The following MRPL48 variants were observed in gnomAD, a reference collection of about 807,000 sequenced individuals.
MRPL48 encodes mitochondrial ribosomal protein L48.
Under a neutral mutation model 32.9 loss-of-function variants are expected in MRPL48, and 16 were observed. The ratio of observed to expected loss-of-function variants is 0.49; its 90% confidence interval spans 0.33 to 0.74. The LOEUF is 0.74. Among genes scored for constraint, MRPL48 ranks in the 30% least tolerant of loss-of-function variants. MRPL48 has a pLI of 0.02. For synonymous variants in MRPL48, 94 were observed against 89.2 expected (o/e 1.05, Z -0.31); for missense variants, 206 against 245.3 (o/e 0.84, Z 1.07).
intron 1 of MRPL48, among the ~76,000 whole-genome samples, chr11:73,800,277 G>A (rs1205632466): frequency 2.6e-5 from 4 of 152,078 alleles, no homozygotes; most frequent in Admixed American, 6.6e-5. Flanking sequence ...AATAGTATGC[G>A]TAAAGTGCCT....
intron 2 of MRPL48, among the ~76,000 whole-genome samples, chr11:73,808,070 C>T (rs1414634791): frequency 6.6e-6 from 1 of 152,154 alleles, no homozygotes; most frequent in African/African-American, 2.4e-5. Flanking sequence ...GGCTCACATT[C>T]GTTTACCAGC....
intron 2 of MRPL48, among the ~76,000 whole-genome samples, chr11:73,807,763 G>A (rs376276905): frequency 4.0e-5 from 6 of 149,090 alleles, no homozygotes; most frequent in East Asian, 4.1e-4. Flanking sequence ...TCAGCCTCCC[G>A]ATTAGCTGGG....
chr11:73,817,507 G>A (rs550887308), intron 3 of MRPL48, among the ~76,000 whole-genome samples: 130 of 152,272 alleles, frequency 8.5e-4, no homozygotes, highest in Non-Finnish European at 1.2e-3. Flanking sequence ...TCAACATCGA[G>A]TATTATTTTT....
rs1400109282 is a variant in MRPL48 at position 73,865,075 on chromosome 11, G to C, written c.*705G>C. 1 of 152,402 alleles carries C rather than the reference G, an allele frequency of 6.6e-6. No individual in the cohort carries two copies. Among genetic ancestry groups the C allele is most frequent in the East Asian group, 1.9e-4 (1 of 5,174 alleles). The allele number at this position is 152,402 out of a possible 1,614,324, so 9.4% of individuals were successfully genotyped here. A position where few individuals can be genotyped will look rare whatever the true frequency, so the allele number is the denominator to read the frequency against. Reference sequence around the variant, plus strand: ...CAAAGTGCTGGGATTACAGGTGTGAGCCACTGCACCCAGCCAAACTTTTTA... The same window carrying C: ...CAAAGTGCTGGGATTACAGGTGTGACCCACTGCACCCAGCCAAACTTTTTA... On this transcript the variant is annotated 3_prime_UTR_variant, in exon 8 of 8. Coordinates refer to ENST00000310614, the MANE Select transcript of MRPL48 (RefSeq NM_016055.6).
chr11:73,800,157 C>A (rs1947331745), intron 1 of MRPL48, among the ~76,000 whole-genome samples: 2 of 151,624 alleles, frequency 1.3e-5, no homozygotes, highest in African/African-American at 2.4e-5. Context: ...TCCTGTAATC[C>A]CAGCATTTTG....
At position 73,787,908 on chromosome 11, in the gene MRPL48, T is replaced by G. The variant is rs911658138; in HGVS notation, c.-64T>G. 25 of 1,593,148 alleles carry G rather than the reference T, an allele frequency of 1.6e-5. No homozygotes were observed. In the African/African-American group the frequency reaches 3.0e-4, roughly 19 times the overall value. On this transcript the variant is annotated 5_prime_UTR_variant, in exon 1 of 8. Transcript: ENST00000310614. ...GTTCCTTCAGTGTTTTCAGACGCCC[T>G]GGGAACGCGGCTGCAGGGTCCGGTC...
At chr11:73,862,995 G>A (rs1226617489) in intron 6 of MRPL48, among the ~76,000 whole-genome samples, 177 bp from the exon 7 acceptor site, 1 of 152,178 alleles carries the variant, frequency 6.6e-6, no homozygotes, top group Non-Finnish European at 1.5e-5. Flanking sequence ...CAGCACCTTG[G>A]CAGATGGCAG....
chr11:73,828,132 T>G (rs1947931077), intron 4 of MRPL48, among the ~76,000 whole-genome samples: 1 of 152,210 alleles, frequency 6.6e-6, no homozygotes, highest in South Asian at 2.1e-4. Context: ...GTATGTCATG[T>G]AACTTCACGA....
chr11:73,815,512 T>C (rs989055043), intron 3 of MRPL48, among the ~76,000 whole-genome samples: 1 of 82,624 alleles, frequency 1.2e-5, no homozygotes, highest in Non-Finnish European at 2.7e-5. Flanking sequence ...AGTTTTTTAT[T>C]TGGAGTCAGG....
intron 3 of MRPL48, among the ~76,000 whole-genome samples, chr11:73,814,433 G>A (rs1379274370): frequency 6.6e-6 from 1 of 151,868 alleles, no homozygotes; most frequent in Admixed American, 6.6e-5. Context: ...GGTGGCTCAC[G>A]CGTGTAATCC....
At chr11:73,798,460 G>A (rs1488681848) in intron 1 of MRPL48, among the ~76,000 whole-genome samples, 1 of 152,082 alleles carries the variant, frequency 6.6e-6, no homozygotes, top group African/African-American at 2.4e-5. Flanking sequence ...TCAAATACAT[G>A]AAGGGTTTGA....
At chr11:73,807,954 A>G (rs930381090) in intron 2 of MRPL48, among the ~76,000 whole-genome samples, 7 of 152,090 alleles carry the variant, frequency 4.6e-5, no homozygotes, top group Admixed American at 1.3e-4. Flanking sequence ...TTCGTTTTTT[A>G]AAACTCACCT....
intron 1 of MRPL48, among the ~76,000 whole-genome samples, chr11:73,801,484 A>G (rs1186785392): frequency 2.6e-5 from 4 of 152,242 alleles, no homozygotes; most frequent in Non-Finnish European, 4.4e-5. Context: ...GTCTTTTAGT[A>G]CCTGATTCAA....
Position 73,812,370 on chromosome 11 carries a change from G to T in MRPL48, c.112+4020G>T, listed in dbSNP as rs137908587. ...AAAAAATGGTACACCAGCCATTTTC[G>T]TATGTCTTTGTAAACTTGTTCCTGT... On this transcript the variant is annotated intron_variant, in intron 3 of 7. Transcript: ENST00000310614. Among the ~76,000 whole-genome samples the T allele has an allele frequency of 2.0e-5, 3 of 152,080 alleles. No individual in the cohort carries two copies. In the East Asian group the frequency reaches 5.8e-4, roughly 29 times the overall value.
intron 4 of MRPL48, among the ~76,000 whole-genome samples, chr11:73,827,215 C>G (rs1397192520): frequency 6.6e-6 from 1 of 151,804 alleles, no homozygotes; most frequent in South Asian, 2.1e-4. Flanking sequence ...GGAACCCCGT[C>G]TCTACTAAAA....
chr11:73,855,264 T>G (rs1200358872), intron 5 of MRPL48, among the ~76,000 whole-genome samples: 1 of 151,828 alleles, frequency 6.6e-6, no homozygotes, highest in Non-Finnish European at 1.5e-5. Flanking sequence ...GTCACTCTTC[T>G]GCTTGAAATG....
At chr11:73,789,358 G>A (rs935461613) in intron 1 of MRPL48, 1 of 152,222 alleles carries the variant, frequency 6.6e-6, no homozygotes, top group Admixed American at 6.5e-5. Context: ...TCCTGGAAAA[G>A]AGCCCATGGA....
At chr11:73,815,215 C>G (rs563347711) in intron 3 of MRPL48, among the ~76,000 whole-genome samples, 5 of 151,260 alleles carry the variant, frequency 3.3e-5, no homozygotes, top group Admixed American at 2.0e-4. Flanking sequence ...CAGGAGTTCA[C>G]GACCAGCCTG....
At chr11:73,828,233 T>G (rs1249279682) in intron 4 of MRPL48, among the ~76,000 whole-genome samples, 1 of 151,706 alleles carries the variant, frequency 6.6e-6, no homozygotes, top group East Asian at 1.9e-4. Context: ...AATTCTTTTT[T>G]TTTTTTTTTT....
Sources: allele counts gnomAD v4.1 joint callset (sites outside exome capture counted in the v4.1 genomes callset), GRCh38; gene constraint gnomAD v4.1.1; transcripts MANE v1.5; gene names NCBI Gene and HGNC (gene_info 2026-07-23, HGNC 2026-07-21).